The following LRRFIP1 variants were observed in gnomAD, a reference collection of about 807,000 sequenced individuals.
The protein encoded by LRRFIP1 is leucine-rich repeat flightless-interacting protein 1.
A neutral mutation model predicts 104.4 loss-of-function variants in LRRFIP1; 62 were observed. That is an observed-to-expected ratio of 0.59 (90% CI 0.48 to 0.73). The LOEUF (loss-of-function observed/expected upper bound fraction) is 0.73. Ranked by LOEUF, LRRFIP1 falls within the 30% of genes least tolerant of loss-of-function variation. The pLI is 0.00. For synonymous variants in LRRFIP1, 300 were observed against 299.0 expected, an observed-to-expected ratio of 1.00 and a Z score of -0.03; for missense variants, 796 against 824.5, an observed-to-expected ratio of 0.97 and a Z score of 0.42.
At position 237,661,885 on chromosome 2, in the gene LRRFIP1, T is replaced by C. The variant is rs1174876262; in HGVS notation, c.96+34145T>C. Among the ~76,000 whole-genome samples, 4 of 152,186 alleles carry C rather than the reference T, an allele frequency of 2.6e-5. No homozygotes were observed. Among genetic ancestry groups the C allele is most frequent in the East Asian group, 1.9e-4 (1 of 5,194 alleles). On this transcript the variant is annotated intron_variant, in intron 1 of 23. Transcript: ENST00000308482. This position sits in a 1 kb window ranked among gnomAD's most constrained non-coding sequence, Gnocchi z 4.4. ...CAAAATAGGTGTTGCCATGATTCCT[T>C]TGGACAAAATGTAAAATCTGGCTGA...
In LRRFIP1 at chr2:237,691,766, G is replaced by T. The variant is rs1444323587; in HGVS notation, c.97-16778G>T. Among the ~76,000 whole-genome samples, 1 of 151,966 alleles carries T rather than the reference G, an allele frequency of 6.6e-6. No homozygotes were observed. The highest frequency in any genetic ancestry group is 2.4e-5 in the African/African-American group (1 of 41,372). ...CTCCCCGGAGCGCCCGCTTCCCACGGCCCCTGCGGGTGGAGCTGCGGCCGG... is the reference window on the plus strand; with the variant it reads ...CTCCCCGGAGCGCCCGCTTCCCACGTCCCCTGCGGGTGGAGCTGCGGCCGG... On this transcript the variant is annotated intron_variant, in intron 1 of 23. Transcript: ENST00000308482. The surrounding 1 kb of genome is among the most constrained non-coding windows in gnomAD (Gnocchi z 5.4).
intron 23 of LRRFIP1, 53 bp from the exon 24 acceptor site, chr2:237,779,369 A>G: frequency 6.3e-7 from 1 of 1,592,558 alleles, no homozygotes; most frequent in Admixed American, 1.7e-5. Context: ...GAACCCTGTT[A>G]TGTTTGGAGG....
chr2:237,654,229 T>C (rs548870084), intron 1 of LRRFIP1, among the ~76,000 whole-genome samples: 1 of 151,874 alleles, frequency 6.6e-6, no homozygotes, highest in Non-Finnish European at 1.5e-5. Context: ...AAAGAAGACA[T>C]ACAAATGGCC....
chr2:237,738,811 G>C (rs1249185728), intron 10 of LRRFIP1, among the ~76,000 whole-genome samples: 1 of 152,258 alleles, frequency 6.6e-6, no homozygotes, highest in Non-Finnish European at 1.5e-5. Context: ...AGATAGTGGA[G>C]AAGCAAAATT....
At chr2:237,765,285 ACAC>A in intron 19 of LRRFIP1, 1 of 175,506 alleles carries the variant, frequency 5.7e-6, no homozygotes, top group Non-Finnish European at 1.1e-5. Flanking sequence ...AAAAACACAC[ACAC>A]ACACAACACA....
At chr2:237,720,603 A>G (rs2094503227) in intron 5 of LRRFIP1, among the ~76,000 whole-genome samples, 169 bp from the exon 6 acceptor site, 1 of 152,228 alleles carries the variant, frequency 6.6e-6, no homozygotes, top group African/African-American at 2.4e-5. Context: ...CACAAAGCCC[A>G]TGCTGTGGAG....
rs1286467952 is a variant in LRRFIP1, at chr2:237,717,841, T to C, written c.249+32T>C. 3.9e-6 allele frequency: 6 copies of C among 1,533,742 alleles called. No individual in the cohort carries two copies. The East Asian group carries it at 1.1e-4, about 29-fold the overall frequency. ...CTTGAATATAATTTTGTTTTTACTCTTCCCTCCCCACTTGAATACAGTGTT... is the reference window on the plus strand; with the variant it reads ...CTTGAATATAATTTTGTTTTTACTCCTCCCTCCCCACTTGAATACAGTGTT... On this transcript the variant is annotated intron_variant, in intron 4 of 23. Coordinates refer to ENST00000308482, the MANE Select transcript of LRRFIP1 (RefSeq NM_001137550.2). This position sits in a 1 kb window ranked among gnomAD's most constrained non-coding sequence, Gnocchi z 4.2.
chr2:237,703,661 G>GC lies in LRRFIP1; in HGVS notation c.97-4878dup, dbSNP rs915745352. ...GGGTTGGGTCAAGTTCTCCAGAGCA[G>GC]CCCCCGCCCCTGCCACACGTTTCTT... On this transcript the variant is annotated intron_variant, in intron 1 of 23. Transcript: ENST00000308482. The surrounding 1 kb of genome is among the most constrained non-coding windows in gnomAD (Gnocchi z 4.3). Among the ~76,000 whole-genome samples the GC allele has an allele frequency of 6.6e-6, 1 of 151,880 alleles. No individual in the cohort carries two copies. Among genetic ancestry groups the GC allele is most frequent in the African/African-American group, 2.4e-5 (1 of 41,274 alleles).
Position 237,717,330 on chromosome 2 carries a change from T to A in LRRFIP1, c.202-432T>A, listed in dbSNP as rs1241736979. Among the ~76,000 whole-genome samples, 1 of 152,206 alleles carries A rather than the reference T, an allele frequency of 6.6e-6. No homozygotes were observed. The highest frequency in any genetic ancestry group is 2.4e-5 in the African/African-American group (1 of 41,446). On this transcript the variant is annotated intron_variant, in intron 3 of 23. Transcript: ENST00000308482. This position sits in a 1 kb window ranked among gnomAD's most constrained non-coding sequence, Gnocchi z 4.2. ...AGTTTCTCCCCTTCTCCTCTCAGTT[T>A]CCCTGAGGTCCCAACACCGGAATGG...
At chr2:237,702,930 A>C (rs1398164164) in intron 1 of LRRFIP1, among the ~76,000 whole-genome samples, 3 of 152,176 alleles carry the variant, frequency 2.0e-5, no homozygotes, top group African/African-American at 7.2e-5. Flanking sequence ...AGTCAGAGGG[A>C]GATAATTTCA....
chr2:237,735,051 C>A lies in LRRFIP1; in HGVS notation c.490-217C>A, dbSNP rs1020628012. On this transcript the variant is annotated intron_variant, in intron 9 of 23. Transcript: ENST00000308482. This position sits in a 1 kb window ranked among gnomAD's most constrained non-coding sequence, Gnocchi z 4.6. The stretch of plus-strand genomic sequence containing the variant: ...GGTCTGTTGGAGATTACATTGCACA[C>A]CTCCTGACAACGACTAAAACCGGTC... Among the ~76,000 whole-genome samples the A allele has an allele frequency of 2.0e-5, 3 of 152,180 alleles. No homozygotes were observed. The highest frequency in any genetic ancestry group is 7.2e-5 in the African/African-American group (3 of 41,430).
Position 237,719,103 on chromosome 2 carries a change from T to G in LRRFIP1, c.250-420T>G, listed in dbSNP as rs143776633. 6.5e-3 allele frequency among the ~76,000 whole-genome samples: 986 copies of G among 152,296 alleles called. 11 individuals carry two copies. The highest frequency in any genetic ancestry group is 0.023 in the African/African-American group (941 of 41,556). The stretch of plus-strand genomic sequence containing the variant: ...GTGAAAAACCGTGTGTGTCTTAGAA[T>G]CCACAATACATAGTAGAAAGAGTGA... On this transcript the variant is annotated intron_variant, in intron 4 of 23. Coordinates refer to ENST00000308482, the MANE Select transcript of LRRFIP1 (RefSeq NM_001137550.2).
chr2:237,715,932 G>GT (rs1271972246), intron 3 of LRRFIP1, among the ~76,000 whole-genome samples: 1 of 152,242 alleles, frequency 6.6e-6, no homozygotes, highest in African/African-American at 2.4e-5. Flanking sequence ...TGCAGTTACA[G>GT]TAGCCACTTA....
chr2:237,681,689 T>A (rs1195636436), intron 1 of LRRFIP1, among the ~76,000 whole-genome samples: 2 of 68,068 alleles, frequency 2.9e-5, no homozygotes, highest in East Asian at 6.4e-4. Context: ...TTTTTTTTTT[T>A]TTTTTTTTGA....
At chr2:237,765,329 G>T in intron 19 of LRRFIP1, 2 of 276,460 alleles carry the variant, frequency 7.2e-6, no homozygotes, top group Non-Finnish European at 1.1e-5. Context: ...CTAGCACATT[G>T]GGAAGCCAAG....
At chr2:237,669,020 GA>G (rs2089951467) in intron 1 of LRRFIP1, among the ~76,000 whole-genome samples, 1 of 152,002 alleles carries the variant, frequency 6.6e-6, no homozygotes, top group African/African-American at 2.4e-5. Flanking sequence ...TTTAAGGAAA[GA>G]AATAAGCGTA....
intron 19 of LRRFIP1, chr2:237,764,189 G>A: frequency 1.2e-6 from 2 of 1,613,832 alleles, no homozygotes; most frequent in Non-Finnish European, 1.7e-6. Context: ...AGTGTGAAGG[G>A]GTCTTTTCTC....
chr2:237,758,749 G>A lies in LRRFIP1; in HGVS notation c.1245G>A (p.Glu415=). ...CTCAGGCATTAGAGAGGCAGAAAGA[G>A]TTCTTTGATTCCGTAAGGAGTGAAC... The part of the protein sequence containing the change: ...KKIGALERQK[E]FFDSVRSERD... Residue 415 remains glutamate (E), a synonymous_variant, in exon 18 of 24, where the codon GAG becomes GAA. Coordinates refer to ENST00000308482, the MANE Select transcript of LRRFIP1 (RefSeq NM_001137550.2). 6.2e-7 allele frequency: 1 copy of A among 1,613,020 alleles called. No homozygotes were observed. Among genetic ancestry groups the A allele is most frequent in the Non-Finnish European group, 8.5e-7 (1 of 1,179,470 alleles).
At chr2:237,713,795 A>G (rs2094211071) in intron 2 of LRRFIP1, among the ~76,000 whole-genome samples, 1 of 152,196 alleles carries the variant, frequency 6.6e-6, no homozygotes, top group Non-Finnish European at 1.5e-5. Context: ...TTTAGCTGGA[A>G]TTTTCCTGTT....
Sources: gnomAD v4.1 joint callset for allele counts (sites outside exome capture counted in the v4.1 genomes callset) on GRCh38, gnomAD v4.1.1 for gene constraint, Gnocchi (gnomAD v3.1) non-coding constraint, MANE v1.5 for transcripts, NCBI Gene and HGNC (gene_info 2026-07-23, HGNC 2026-07-21) for gene names.